LRP2: variants seen among roughly 807,000 people sequenced by gnomAD.
LRP2 encodes the protein low-density lipoprotein receptor-related protein 2.
LRP2 carries 172 observed loss-of-function variants against 531.0 expected under a neutral mutation model. That is an observed-to-expected ratio of 0.32 (90% confidence interval 0.29 to 0.37). LRP2 has a LOEUF of 0.37. Ranked by LOEUF, LRP2 falls within the 10% of genes least tolerant of loss-of-function variation. LRP2 has a pLI of 1.00. For synonymous variants in LRP2, 1,992 were observed against 2,027.6 expected, an observed-to-expected ratio of 0.98 and a Z score of 0.47; for missense variants, 5,167 against 5,868.3, an observed-to-expected ratio of 0.88 and a Z score of 3.90.
rs11891222 is a variant in LRP2 at position 169,331,455 on chromosome 2, G to A, written c.80-10571C>T. On this transcript the variant is annotated intron_variant, in intron 1 of 78. Coordinates refer to ENST00000649046, the MANE Select transcript of LRP2 (RefSeq NM_004525.3). ...TACCAGTCTTTTCTGTGCTCCCCCT[G>A]AATAGCTCATGCAGTGCCTCCTCTA... is the stretch of plus-strand genomic sequence containing the variant. 2.0e-3 allele frequency among the ~76,000 whole-genome samples: 298 copies of A among 152,254 alleles called. 1 individual carries two copies. The highest frequency in any genetic ancestry group is 6.8e-3 in the African/African-American group (284 of 41,560).
intron 3 of LRP2, among the ~76,000 whole-genome samples, chr2:169,308,469 G>C (rs923732012): frequency 6.6e-6 from 1 of 152,094 alleles, no homozygotes; most frequent in Non-Finnish European, 1.5e-5. Context: ...GAGAACATGC[G>C]GTGTTTGGTT....
intron 15 of LRP2, chr2:169,271,886 G>C (rs1683427590): frequency 6.5e-6 from 1 of 154,418 alleles, no homozygotes; most frequent in Non-Finnish European, 1.4e-5. Flanking sequence ...AAGAAGAAGT[G>C]ATGTTTAACA....
rs552361990 is a variant in LRP2, at chr2:169,281,000, T to C, written c.1172-481A>G. Among the ~76,000 whole-genome samples the C allele has an allele frequency of 4.0e-3, 602 of 152,326 alleles. 3 individuals carry two copies. Among genetic ancestry groups the C allele is most frequent in the African/African-American group, 0.014 (582 of 41,572 alleles). ...TTACTCGCAGGTATGCAAAATGATATATGAACAAGGTATTAATTGCAGTCT... is the reference window on the plus strand; with the variant it reads ...TTACTCGCAGGTATGCAAAATGATACATGAACAAGGTATTAATTGCAGTCT... On this transcript the variant is annotated intron_variant, in intron 10 of 78. Transcript: ENST00000649046.
In LRP2 at chr2:169,285,450, C is replaced by T. The variant is rs565634131; in HGVS notation, c.1043-2449G>A. On this transcript the variant is annotated intron_variant, in intron 9 of 78. Coordinates refer to ENST00000649046, the MANE Select transcript of LRP2 (RefSeq NM_004525.3). ...AAATAAAAGTAGAATTGAGGGTTTT[C>T]GTGAGAGTAGAAAAGATAGTGGAAA... Among the ~76,000 whole-genome samples the T allele has an allele frequency of 5.3e-5, 8 of 152,192 alleles. No homozygotes were observed. The East Asian group carries it at 5.8e-4, about 11-fold the overall frequency.
chr2:169,181,355 A>C, intron 52 of LRP2, 93 bp downstream of exon 52: 1 of 1,276,386 alleles, frequency 7.8e-7, no homozygotes, highest in Non-Finnish European at 1.1e-6. Context: ...CAGGCCAGTT[A>C]GACAATAGAG....
chr2:169,271,643 ACACACACACACAG>A (rs1553506821), intron 15 of LRP2: 1 of 584,740 alleles, frequency 1.7e-6, no homozygotes, highest in Non-Finnish European at 2.1e-6. Context: ...ACACACACAC[ACACACACACACAG>A]AAACCTTTCT....
At chr2:169,276,593 C>T (rs998138607) in intron 13 of LRP2, among the ~76,000 whole-genome samples, 1 of 151,966 alleles carries the variant, frequency 6.6e-6, no homozygotes, top group Non-Finnish European at 1.5e-5. Context: ...TTCATTTAAC[C>T]AAGCAGAGAT....
intron 24 of LRP2, 68 bp downstream of exon 24, chr2:169,242,882 GCAATAT>G: frequency 9.4e-7 from 1 of 1,063,370 alleles, no homozygotes; most frequent in Non-Finnish European, 1.5e-6. Flanking sequence ...AAAATGTGTG[GCAATAT>G]CAATATCAAT....
At chr2:169,281,346 C>T (rs552915481) in intron 10 of LRP2, among the ~76,000 whole-genome samples, 28 of 152,204 alleles carry the variant, frequency 1.8e-4, no homozygotes, top group African/African-American at 5.3e-4. Flanking sequence ...CGCTTGAACC[C>T]GAGAGGCGGA....
At chr2:169,147,800 C>T (rs926256508) in intron 68 of LRP2, among the ~76,000 whole-genome samples, 1 of 152,108 alleles carries the variant, frequency 6.6e-6, no homozygotes, top group African/African-American at 2.4e-5. Context: ...TCAAGTGATG[C>T]GGAGAGCAAG....
rs1574136213 is a variant in LRP2, at chr2:169,209,757, T to C, written c.6281-116A>G. ...CCCCCTGCTCTGAGCATCTCCCCAT[T>C]ACAAAATGAAACCCTTTTTTCCCAG... On this transcript the variant is annotated intron_variant, in intron 37 of 78. Transcript: ENST00000649046. 53 of 998,348 alleles carry C rather than the reference T, an allele frequency of 5.3e-5. No homozygotes were observed. The East Asian group carries it at 8.0e-4, about 15-fold the overall frequency. The allele number at this position is 998,348 out of a possible 1,614,324, so 61.8% of individuals were successfully genotyped here.
At chr2:169,184,916 T>C (rs1392965245) in intron 50 of LRP2, among the ~76,000 whole-genome samples, 1 of 152,072 alleles carries the variant, frequency 6.6e-6, no homozygotes, top group Non-Finnish European at 1.5e-5. Context: ...GAACACCACC[T>C]TTCCTGGCTA....
intron 70 of LRP2, among the ~76,000 whole-genome samples, chr2:169,145,035 GTTTC>G (rs1298876368): frequency 2.6e-5 from 4 of 152,216 alleles, no homozygotes; most frequent in Non-Finnish European, 5.9e-5. Flanking sequence ...CTCGGCCTCA[GTTTC>G]TTTATTTGAG....
intron 68 of LRP2, among the ~76,000 whole-genome samples, chr2:169,150,198 G>T (rs1686071134): frequency 1.3e-5 from 2 of 152,162 alleles, no homozygotes; most frequent in Non-Finnish European, 2.9e-5. Flanking sequence ...ACAAATACTG[G>T]CATATCTACA....
intron 1 of LRP2, among the ~76,000 whole-genome samples, chr2:169,327,166 C>G (rs1308082770): frequency 7.1e-6 from 1 of 140,316 alleles, no homozygotes; most frequent in Non-Finnish European, 1.6e-5. Context: ...GCCAGCCGCC[C>G]CGTCCAGGAG....
rs1172928060 is a variant in LRP2 at position 169,146,039 on chromosome 2, A to G, written c.12812-116T>C. 3.2e-6 allele frequency: 3 copies of G among 936,186 alleles called. No individual in the cohort carries two copies. The African/African-American group carries it at 4.9e-5, about 15-fold the overall frequency. 58.0% of individuals were successfully genotyped at this position (936,186 alleles called of 1,614,324 possible). ...TCTGCTTGAATTATTCCCTCATACA[A>G]TGCCTTGAAGCTCTGGGAATATTCA... On this transcript the variant is annotated intron_variant, in intron 69 of 78. Transcript: ENST00000649046.
chr2:169,177,115 A>C (rs1687224691), intron 53 of LRP2, among the ~76,000 whole-genome samples: 1 of 152,164 alleles, frequency 6.6e-6, no homozygotes, highest in South Asian at 2.1e-4. Context: ...AGAAATACTA[A>C]ATTTCTTTAT....
chr2:169,213,423 G>A (rs1014651115), intron 36 of LRP2, among the ~76,000 whole-genome samples: 9 of 152,250 alleles, frequency 5.9e-5, no homozygotes, highest in African/African-American at 1.9e-4. Context: ...GTAATGGGAA[G>A]AGAAAGGGAA....
Position 169,327,549 on chromosome 2 carries a change from G to A in LRP2, c.80-6665C>T, listed in dbSNP as rs1311106112. 4.0e-5 allele frequency among the ~76,000 whole-genome samples: 5 copies of A among 123,994 alleles called. No homozygotes were observed. The East Asian group carries it at 7.9e-4, about 20-fold the overall frequency. The allele number at this position is 123,994 out of a possible 152,430, so 81.3% of individuals were successfully genotyped here. ...GGGAGGGAGGTGGGGTCAGCCCCCC[G>A]CCCGGCCAGCCGCCCCATCCGGGAG... On this transcript the variant is annotated intron_variant, in intron 1 of 78. Transcript: ENST00000649046.
Sources: gnomAD v4.1 joint callset for allele counts (sites outside exome capture counted in the v4.1 genomes callset) on GRCh38, gnomAD v4.1.1 for gene constraint, MANE v1.5 for transcripts, NCBI Gene and HGNC (gene_info 2026-07-23, HGNC 2026-07-21) for gene names.